COG5: variants seen among roughly 807,000 people sequenced by gnomAD.
The protein encoded by COG5 is component of oligomeric golgi complex 5.
Under a neutral mutation model 110.4 loss-of-function variants are expected in COG5, and 86 were observed. The ratio of observed to expected loss-of-function variants is 0.78; its 90% CI spans 0.65 to 0.93. COG5 has a LOEUF of 0.93. Ranked by LOEUF, COG5 falls within the 40% of genes least tolerant of loss-of-function variation. The pLI, the probability that COG5 is intolerant of heterozygous loss-of-function variation, is 0.00. For synonymous variants in COG5, 360 were observed against 334.6 expected (o/e 1.08, Z -0.83); for missense variants, 1,077 against 987.0 (o/e 1.09, Z -1.22).
intron 21 of COG5, chr7:107,208,607 C>T (rs1798933656): frequency 6.1e-6 from 6 of 985,356 alleles, no homozygotes; most frequent in Non-Finnish European, 7.2e-6. Context: ...CCAAACTCCT[C>T]ACCCAAATCC....
rs569795739 is a variant in COG5, at chr7:107,509,339, T to A, written c.538+17898A>T. On this transcript the variant is annotated intron_variant, in intron 6 of 21. Transcript: ENST00000297135. ...GAATGAACTGAAGCGAGAAGGGAAG[T>A]TTAGAGAAAAAAAGAATAAAAAGAA... is the stretch of plus-strand genomic sequence containing the variant. Among the ~76,000 whole-genome samples, 89 of 151,796 alleles carry A rather than the reference T, an allele frequency of 5.9e-4. No homozygotes were observed. In the South Asian group the frequency reaches 0.018, roughly 31 times the overall value.
intron 6 of COG5, among the ~76,000 whole-genome samples, chr7:107,466,594 C>T (rs1031894556): frequency 8.5e-5 from 13 of 152,104 alleles, no homozygotes; most frequent in East Asian, 3.9e-4. Flanking sequence ...TGATTCTCTA[C>T]GACTTCTGCT....
At chr7:107,240,591 C>G (rs1017340794) in intron 17 of COG5, among the ~76,000 whole-genome samples, 9 of 152,160 alleles carry the variant, frequency 5.9e-5, no homozygotes, top group African/African-American at 2.2e-4. Context: ...AAACTTTATT[C>G]CTTTTACTTA....
In COG5 at chr7:107,314,592, A is replaced by AAC. The variant is rs1205942333; in HGVS notation, c.1108+9847_1108+9848insGT. On this transcript the variant is annotated intron_variant, in intron 11 of 21. Coordinates refer to ENST00000297135, the MANE Select transcript of COG5 (RefSeq NM_006348.5). The stretch of plus-strand genomic sequence containing the variant: ...ACCCCATCTCTACTACAAAAAAAAA[A>AAC]AAAAAAAAAAAGCCAGGCATGGTGG... Among the ~76,000 whole-genome samples the AAC allele has an allele frequency of 5.4e-3, 813 of 150,452 alleles. 14 individuals are homozygous for AAC. Among genetic ancestry groups the AAC allele is most frequent in the African/African-American group, 0.019 (782 of 41,016 alleles).
chr7:107,237,311 A>C (rs1315840039), intron 17 of COG5, among the ~76,000 whole-genome samples: 2 of 152,232 alleles, frequency 1.3e-5, no homozygotes, highest in East Asian at 3.8e-4. Flanking sequence ...GCTCCATGAA[A>C]TACTATTTAT....
At chr7:107,293,748 A>G (rs554623496) in intron 12 of COG5, among the ~76,000 whole-genome samples, 8 of 152,158 alleles carry the variant, frequency 5.3e-5, no homozygotes, top group African/African-American at 1.9e-4. Context: ...TTCCCTATGT[A>G]ATCTCTTCCA....
At chr7:107,459,989 T>G (rs780705909) in intron 6 of COG5, among the ~76,000 whole-genome samples, 4 of 152,140 alleles carry the variant, frequency 2.6e-5, no homozygotes, top group Non-Finnish European at 5.9e-5. Flanking sequence ...GCCATTAAAC[T>G]AACCTAAACA....
chr7:107,468,141 C>T (rs1796412910), intron 6 of COG5, among the ~76,000 whole-genome samples: 1 of 152,146 alleles, frequency 6.6e-6, no homozygotes, highest in African/African-American at 2.4e-5. Context: ...CATAATTTTC[C>T]AAAGAGAGAA....
intron 6 of COG5, among the ~76,000 whole-genome samples, chr7:107,492,596 C>T (rs1385654842): frequency 1.3e-5 from 2 of 152,016 alleles, no homozygotes; most frequent in Non-Finnish European, 2.9e-5. Context: ...AGGACAGTTC[C>T]CAGCTTCTAG....
chr7:107,386,649 T>G (rs1790224772), intron 7 of COG5, among the ~76,000 whole-genome samples: 1 of 152,148 alleles, frequency 6.6e-6, no homozygotes, highest in Non-Finnish European at 1.5e-5. Context: ...AACAGCTGCT[T>G]GAAGCTAGTG....
At chr7:107,221,225 T>C (rs1799901094) in intron 19 of COG5, among the ~76,000 whole-genome samples, 2 of 151,600 alleles carry the variant, frequency 1.3e-5, no homozygotes, top group African/African-American at 2.4e-5. Flanking sequence ...TCATGCCATG[T>C]GATAGAGTAG....
At chr7:107,328,807 T>C (rs1276386207) in intron 10 of COG5, among the ~76,000 whole-genome samples, 2 of 152,108 alleles carry the variant, frequency 1.3e-5, no homozygotes, top group African/African-American at 4.8e-5. Flanking sequence ...TTTATTTTTA[T>C]TATTTTATTA....
intron 17 of COG5, among the ~76,000 whole-genome samples, chr7:107,245,935 G>A (rs1287466479): frequency 6.6e-6 from 1 of 152,160 alleles, no homozygotes; most frequent in Non-Finnish European, 1.5e-5. Flanking sequence ...GAACAAAGCT[G>A]GAGACATCAC....
intron 7 of COG5, among the ~76,000 whole-genome samples, chr7:107,398,768 T>C (rs1791204730): frequency 6.6e-6 from 1 of 152,138 alleles, no homozygotes. Flanking sequence ...AAGACAGAAA[T>C]TATAATCTAT....
intron 10 of COG5, among the ~76,000 whole-genome samples, chr7:107,324,755 A>C (rs1809617248): frequency 6.6e-6 from 1 of 152,184 alleles, no homozygotes; most frequent in South Asian, 2.1e-4. Context: ...TAGCTGGTGT[A>C]ACCTTGGGCA....
At chr7:107,498,207 G>A (rs997716837) in intron 6 of COG5, among the ~76,000 whole-genome samples, 8 of 152,156 alleles carry the variant, frequency 5.3e-5, no homozygotes, top group African/African-American at 9.7e-5. Context: ...GAAAAACTCT[G>A]TACCATTGGT....
intron 18 of COG5, 100 bp from the exon 19 acceptor site, chr7:107,230,791 A>T: frequency 1.1e-6 from 1 of 892,270 alleles, no homozygotes; most frequent in East Asian, 2.4e-5. Context: ...CAGTAAACTT[A>T]ATTTTATCTG....
At chr7:107,353,303 T>C (rs902739738) in intron 10 of COG5, among the ~76,000 whole-genome samples, 1 of 151,350 alleles carries the variant, frequency 6.6e-6, no homozygotes. Flanking sequence ...CGGGCACCTG[T>C]AGTCCCAGCT....
At chr7:107,276,081 T>G (rs142939297) in intron 14 of COG5, among the ~76,000 whole-genome samples, 134 of 152,302 alleles carry the variant, frequency 8.8e-4, no homozygotes, top group African/African-American at 2.9e-3. Context: ...ATTCCTATTA[T>G]TGTTTCAAAT....
Sources: allele counts gnomAD v4.1 joint callset (sites outside exome capture counted in the v4.1 genomes callset), GRCh38; gene constraint gnomAD v4.1.1; transcripts MANE v1.5; gene names NCBI Gene and HGNC (gene_info 2026-07-23, HGNC 2026-07-21).